Variants in PRR16 observed in about 807,000 individuals in gnomAD.
PRR16 encodes the protein protein Largen.
A neutral mutation model predicts 18.2 loss-of-function variants in PRR16; 6 were observed. The ratio of observed to expected loss-of-function variants is 0.33; its 90% CI spans 0.18 to 0.65. PRR16 has a LOEUF of 0.65. PRR16 is among the 30% of genes least tolerant of loss of function. PRR16 has a pLI of 0.74. For missense variants in PRR16, 412 were observed against 376.6 expected (o/e 1.09, Z -0.78); for synonymous variants, 151 against 147.8 (o/e 1.02, Z -0.16).
rs780075675 is a variant in PRR16, at chr5:120,669,863, T to A, written c.160-16091T>A. ...AATTTAATGAAGTACAATAGAAATATACCGTTTTGAACACTGGGGGCTTTG... is the reference window on the plus strand; with the variant it reads ...AATTTAATGAAGTACAATAGAAATAAACCGTTTTGAACACTGGGGGCTTTG... On this transcript the variant is annotated intron_variant, in intron 1 of 1. Transcript: ENST00000407149. 9.2e-5 allele frequency among the ~76,000 whole-genome samples: 14 copies of A among 152,088 alleles called. 1 individual carries two copies. Among genetic ancestry groups the A allele is most frequent in the Non-Finnish European group, 1.9e-4 (13 of 67,970 alleles).
chr5:120,759,380 A>G, the PRR16 span, among the ~76,000 whole-genome samples: 1 of 152,120 alleles, frequency 6.6e-6, no homozygotes, highest in Non-Finnish European at 1.5e-5. Flanking sequence ...TTTATCTTAT[A>G]GAGATTTGTA....
chr5:120,532,579 A>G (rs1580694425), intron 1 of PRR16, among the ~76,000 whole-genome samples: 2 of 152,218 alleles, frequency 1.3e-5, no homozygotes, highest in South Asian at 2.1e-4. Context: ...GAATTTTCCT[A>G]ATGCAAACCA....
chr5:120,588,292 G>T (rs146314576), intron 1 of PRR16, among the ~76,000 whole-genome samples: 352 of 152,226 alleles, frequency 2.3e-3, no homozygotes, highest in African/African-American at 8.2e-3. Context: ...TGAAAGGATT[G>T]ACTCCAATTT....
intron 1 of PRR16, among the ~76,000 whole-genome samples, chr5:120,617,572 T>C (rs1270310613): frequency 6.6e-6 from 1 of 152,180 alleles, no homozygotes; most frequent in Non-Finnish European, 1.5e-5. Flanking sequence ...TCACAATTAA[T>C]GAGGTCATGT....
At chr5:120,544,615 A>G (rs1299368104) in intron 1 of PRR16, among the ~76,000 whole-genome samples, 3 of 152,100 alleles carry the variant, frequency 2.0e-5, no homozygotes, top group Non-Finnish European at 2.9e-5. Context: ...TCTATATGAC[A>G]TTTTTAAATT....
intron 1 of PRR16, among the ~76,000 whole-genome samples, chr5:120,560,048 GT>G (rs1341849811): frequency 1.1e-4 from 17 of 151,708 alleles, no homozygotes; most frequent in Non-Finnish European, 2.2e-4. Context: ...GAGTCTTTAG[GT>G]TTTTCTAAAT....
Position 120,686,669 on chromosome 5 carries a change from A to T in PRR16, c.875A>T (p.Gln292Leu), listed in dbSNP as rs749882619. 3 of 1,570,708 alleles carry T rather than the reference A, an allele frequency of 1.9e-6. No individual in the cohort carries two copies. The Admixed American group carries it at 5.4e-5, about 29-fold the overall frequency. ...CCTCCTCCCACTGCACCAAAACCAC[A>T]GAAGACGATCTTGAGGAAGTCAACC... Reference protein sequence around the residue: ...TVPPPTAPKPQKTILRKSTTT... With the variant: ...TVPPPTAPKPLKTILRKSTTT... Residue 292 changes from glutamine (Q) to leucine (L), a missense_variant, in exon 2 of 2, where the codon CAG (glutamine) becomes CTG (leucine). Physicochemically the swap from Gln to Leu is moderately radical, Grantham distance 113. Coordinates refer to ENST00000407149, the MANE Select transcript of PRR16 (RefSeq NM_001300783.2).
At chr5:120,685,920 T>G in intron 1 of PRR16, 34 bp from the exon 2 acceptor site, 1 of 1,572,408 alleles carries the variant, frequency 6.4e-7, no homozygotes, top group South Asian at 1.2e-5. Context: ...GTTTGGGTCA[T>G]TCTTCAAAAC....
intron 1 of PRR16, among the ~76,000 whole-genome samples, chr5:120,595,551 G>A (rs9918265): frequency 0.051 from 7,718 of 151,850 alleles, 487 homozygotes; most frequent in African/African-American, 0.15. Flanking sequence ...AATTTATGAG[G>A]GAGAAGATTA....
intron 1 of PRR16, among the ~76,000 whole-genome samples, chr5:120,623,698 T>A (rs967756251): frequency 2.0e-5 from 3 of 152,124 alleles, no homozygotes; most frequent in African/African-American, 7.2e-5. Flanking sequence ...CAAAAAGTAA[T>A]TGCATTAATT....
rs76657093 is a variant in PRR16 at position 120,529,727 on chromosome 5, A to G, written c.159+65082A>G. 1.7e-3 allele frequency among the ~76,000 whole-genome samples: 256 copies of G among 152,290 alleles called. 8 individuals are homozygous for G. In the East Asian group the frequency reaches 0.045, roughly 27 times the overall value. On this transcript the variant is annotated intron_variant, in intron 1 of 1. Coordinates refer to ENST00000407149, the MANE Select transcript of PRR16 (RefSeq NM_001300783.2). ...GGCAAGGAAGGTAAGGACAAACTTT[A>G]GTAGTGACTGTGAGTCTAAGGATTT...
At chr5:120,486,263 A>G (rs1483900933) in intron 1 of PRR16, among the ~76,000 whole-genome samples, 1 of 152,104 alleles carries the variant, frequency 6.6e-6, no homozygotes, top group Non-Finnish European at 1.5e-5. Context: ...TACAGTTCCA[A>G]CAGCAGTGTA....
intron 1 of PRR16, among the ~76,000 whole-genome samples, chr5:120,512,497 G>A (rs1379227077): frequency 6.6e-6 from 1 of 152,128 alleles, no homozygotes; most frequent in African/African-American, 2.4e-5. Context: ...AGAAAGGGAT[G>A]AATTGCATCT....
At chr5:120,481,548 T>C (rs2112811192) in intron 1 of PRR16, among the ~76,000 whole-genome samples, 1 of 152,330 alleles carries the variant, frequency 6.6e-6, no homozygotes, top group South Asian at 2.1e-4. Flanking sequence ...GCTTCTGTTT[T>C]TTGAAAAATA....
At chr5:120,513,549 C>A (rs1750895264) in intron 1 of PRR16, among the ~76,000 whole-genome samples, 1 of 148,812 alleles carries the variant, frequency 6.7e-6, no homozygotes, top group Non-Finnish European at 1.5e-5. Flanking sequence ...AATTTTGTCT[C>A]TTCTTCTCTT....
chr5:120,709,035 T>C, the PRR16 span, among the ~76,000 whole-genome samples: 2 of 109,860 alleles, frequency 1.8e-5, no homozygotes, highest in African/African-American at 7.1e-5. Flanking sequence ...TGAGACAGAG[T>C]CTTGCTCTGT....
chr5:120,698,031 C>T, the PRR16 span, among the ~76,000 whole-genome samples: 79,970 of 151,732 alleles, frequency 0.53, 21,861 homozygotes, highest in East Asian at 0.89. Flanking sequence ...CTCAGAGGCC[C>T]GACATTCCTG....
At chr5:120,610,106 C>A (rs868098678) in intron 1 of PRR16, among the ~76,000 whole-genome samples, 1 of 152,058 alleles carries the variant, frequency 6.6e-6, no homozygotes, top group African/African-American at 2.4e-5. Context: ...ATTTCATTTC[C>A]TTTTCGGTGG....
rs1756092471 is a variant in PRR16 at position 120,659,204 on chromosome 5, GT to G, written c.160-26745del. 2.6e-5 allele frequency among the ~76,000 whole-genome samples: 4 copies of G among 151,848 alleles called. No homozygotes were observed. The Admixed American group carries it at 2.6e-4, about 10-fold the overall frequency. Reference sequence around the variant, plus strand: ...TTGATTCCAGGACCTAGTAGTTGTGGTTTTTCAAAGACCATCCTTTATTTTT... The same window carrying G: ...TTGATTCCAGGACCTAGTAGTTGTGGTTTTCAAAGACCATCCTTTATTTTT... On this transcript the variant is annotated intron_variant, in intron 1 of 1. Coordinates refer to ENST00000407149, the MANE Select transcript of PRR16 (RefSeq NM_001300783.2).
Sources: allele counts gnomAD v4.1 joint callset (sites outside exome capture counted in the v4.1 genomes callset), GRCh38; gene constraint gnomAD v4.1.1; transcripts MANE v1.5; gene names NCBI Gene and HGNC (gene_info 2026-07-23, HGNC 2026-07-21).